The following MTIF2 variants were observed in gnomAD, a reference collection of about 807,000 sequenced individuals.
MTIF2 encodes mitochondrial translational initiation factor 2.
A neutral mutation model predicts 83.5 loss-of-function variants in MTIF2; 71 were observed. The observed-to-expected ratio is 0.85, with a 90% CI of 0.70 to 1.04. The LOEUF is 1.04. Among genes scored for constraint, MTIF2 ranks in the 50% least tolerant of loss-of-function variants. The probability of loss-of-function intolerance (pLI) is 0.00; values close to 1 mark genes in which losing one functional copy is unlikely to be tolerated. For synonymous variants in MTIF2, 319 were observed against 287.1 expected (o/e 1.11, Z -1.12); for missense variants, 957 against 846.5 (o/e 1.13, Z -1.62).
intron 2 of MTIF2, among the ~76,000 whole-genome samples, chr2:55,268,327 GA>G (rs1354313765): frequency 3.3e-5 from 5 of 152,148 alleles, no homozygotes; most frequent in African/African-American, 1.2e-4. Context: ...ATGGCACATG[GA>G]AAATATCTTA....
At chr2:55,253,386 A>T (rs1478583944) in intron 7 of MTIF2, among the ~76,000 whole-genome samples, 1 of 152,198 alleles carries the variant, frequency 6.6e-6, no homozygotes, top group Non-Finnish European at 1.5e-5. Flanking sequence ...TTAAAAGTTA[A>T]CACAATTTTC....
rs1252367430 is a variant in MTIF2 at position 55,249,485 on chromosome 2, A to G, written c.891T>C (p.Pro297=). The change falls in exon 9 of 16, where the codon CCT becomes CCC. Residue 297 remains proline (P), a synonymous_variant. Coordinates refer to ENST00000263629, the MANE Select transcript of MTIF2 (RefSeq NM_002453.3). ...VNKCDKAEAD[P]EKVKKELLAY... ...CCAGCAGCTCTTTTTTCACTTTCTC[A>G]GGATCAGCCTCAGCTTTGTCACATT... is the stretch of plus-strand genomic sequence containing the variant. 5 of 1,614,126 alleles carry G rather than the reference A, an allele frequency of 3.1e-6. No homozygotes were observed. The highest frequency in any genetic ancestry group is 4.2e-6 in the Non-Finnish European group (5 of 1,180,000).
At chr2:55,237,818 T>G (rs1277548545) in intron 14 of MTIF2, among the ~76,000 whole-genome samples, 2 of 151,128 alleles carry the variant, frequency 1.3e-5, no homozygotes, top group Non-Finnish European at 2.9e-5. Context: ...ATCCAGCTGA[T>G]TTTTATATTG....
At chr2:55,249,265 T>C in intron 9 of MTIF2, 130 bp downstream of exon 9, 1 of 1,188,144 alleles carries the variant, frequency 8.4e-7, no homozygotes, top group South Asian at 1.6e-5. Flanking sequence ...CATCTTTGCC[T>C]GGCACCAAGA....
Position 55,236,790 on chromosome 2 carries a change from T to A in MTIF2, c.2042A>T (p.Asp681Val). 2 of 1,607,016 alleles carry A rather than the reference T, an allele frequency of 1.2e-6. No homozygotes were observed. Among genetic ancestry groups the A allele is most frequent in the Non-Finnish European group, 1.7e-6 (2 of 1,178,358 alleles). ...GSLTSLKHHKDDISIVKTGMD... is the reference protein window; with the variant it reads ...GSLTSLKHHKVDISIVKTGMD... The stretch of plus-strand genomic sequence containing the variant: ...TCCCGTTTTGACAATTGAAATGTCA[T>A]CTTTATGGTGTTTCAATGAGGTTAA... The change falls in exon 16 of 16, where the codon GAT (aspartate) becomes GTT (valine). Residue 681 changes from aspartate to valine, a missense_variant. Around this residue, in one of 3 missense-constraint regions of MTIF2, gnomAD observed 221 missense variants for 180.6 expected, o/e 1.22. Transcript: ENST00000263629.
At chr2:55,261,261 G>A (rs746865816) in intron 5 of MTIF2, among the ~76,000 whole-genome samples, 4 of 152,110 alleles carry the variant, frequency 2.6e-5, no homozygotes, top group Admixed American at 6.5e-5. Flanking sequence ...GTGAGCCACC[G>A]TGCCTGGCTA....
intron 6 of MTIF2, 36 bp downstream of exon 6, chr2:55,254,618 C>T: frequency 6.6e-7 from 1 of 1,506,832 alleles, no homozygotes; most frequent in Non-Finnish European, 8.9e-7. Context: ...ATGTAGTCTC[C>T]CCCAAACCCT....
At chr2:55,252,401 A>C (rs928521981) in intron 8 of MTIF2, 76 bp downstream of exon 8, 53 of 1,263,914 alleles carry the variant, frequency 4.2e-5, no homozygotes, top group Non-Finnish European at 5.6e-5. Flanking sequence ...TGTTGTGAAG[A>C]CTAAATGAGC....
chr2:55,248,252 G>C (rs780186539), intron 9 of MTIF2, among the ~76,000 whole-genome samples: 9 of 152,090 alleles, frequency 5.9e-5, no homozygotes, highest in Non-Finnish European at 1.3e-4. Flanking sequence ...AACAATTGAG[G>C]GATAGTGCAG....
chr2:55,257,029 C>T (rs557663399), intron 5 of MTIF2, among the ~76,000 whole-genome samples: 1 of 152,268 alleles, frequency 6.6e-6, no homozygotes, highest in Admixed American at 6.5e-5. Flanking sequence ...AAAATATTTA[C>T]TTATTCTCTT....
intron 13 of MTIF2, among the ~76,000 whole-genome samples, chr2:55,241,405 A>G (rs1265968805): frequency 4.0e-5 from 6 of 149,176 alleles, no homozygotes; most frequent in Non-Finnish European, 9.0e-5. Context: ...GCGACAGAGC[A>G]AGACTCTGTC....
At chr2:55,267,658 T>TA (rs1051383669) in intron 2 of MTIF2, 23 bp from the exon 3 acceptor site, 14 of 161,878 alleles carry the variant, frequency 8.6e-5, no homozygotes, top group African/African-American at 3.4e-4. Flanking sequence ...AATAAATAAA[T>TA]AAGTGTTTGA....
chr2:55,249,797 A>C (rs1676962339), intron 8 of MTIF2, among the ~76,000 whole-genome samples: 1 of 152,154 alleles, frequency 6.6e-6, no homozygotes, highest in Non-Finnish European at 1.5e-5. Context: ...TATCAAAAAA[A>C]ACAATACAGT....
chr2:55,252,548 A>G lies in MTIF2; in HGVS notation c.770T>C (p.Leu257Ser), dbSNP rs999743445. ...CACTCCATCATCTGCAGCTACAACC[A>G]ATACGACAATGTCAGTGACCTGAGC... ...RGAQVTDIVV[L>S]VVAADDGVMK... Residue 257 changes from leucine (L) to serine (S), a missense_variant, in exon 8 of 16, where the codon TTG (leucine) becomes TCG (serine). Leu to Ser is a moderately radical substitution (Grantham distance 145, BLOSUM62 -2). This residue lies in a region of MTIF2 where 733 missense variants were observed against 648.7 expected (regional missense o/e 1.13). Coordinates refer to ENST00000263629, the MANE Select transcript of MTIF2 (RefSeq NM_002453.3). The G allele has an allele frequency of 1.2e-6, 2 of 1,614,034 alleles. No homozygotes were observed. Among genetic ancestry groups the G allele is most frequent in the Non-Finnish European group, 1.7e-6 (2 of 1,179,996 alleles).
chr2:55,243,474 G>C lies in MTIF2; in HGVS notation c.1506C>G (p.Pro502=). Residue 502 remains proline, a synonymous_variant, in exon 12 of 16, where the codon CCC becomes CCG. Transcript: ENST00000263629. ...TTTCCCTTTTCTCTTTTGGCTTTAA[G>C]GGTATTTGTTCTTTTCTTTCTAAAA... ...LRFLERKEQI[P]LKPKEKRERD... is the part of the protein sequence containing the mutation. 6.2e-7 allele frequency: 1 copy of C among 1,613,532 alleles called. No individual in the cohort carries two copies. The highest frequency in any genetic ancestry group is 8.5e-7 in the Non-Finnish European group (1 of 1,179,606).
Position 55,237,268 on chromosome 2 carries a change from G to A in MTIF2, c.2011+20C>T. On this transcript the variant is annotated intron_variant, in intron 15 of 15. Transcript: ENST00000263629. The stretch of plus-strand genomic sequence containing the variant: ...TTGGTGACTGGATATGCTATTATAG[G>A]AGATTTTGATGTTGCTTACCCTTCC... The A allele has an allele frequency of 1.9e-6, 3 of 1,604,472 alleles. No homozygotes were observed. Among genetic ancestry groups the A allele is most frequent in the South Asian group, 2.2e-5 (2 of 89,490 alleles).
At chr2:55,253,381 A>G (rs1378936969) in intron 7 of MTIF2, among the ~76,000 whole-genome samples, 2 of 152,202 alleles carry the variant, frequency 1.3e-5, no homozygotes, top group African/African-American at 4.8e-5. Flanking sequence ...TAGAATTAAA[A>G]GTTAACACAA....
intron 8 of MTIF2, 23 bp from the exon 9 acceptor site, chr2:55,249,557 G>C: frequency 6.2e-7 from 1 of 1,609,916 alleles, no homozygotes; most frequent in Non-Finnish European, 8.5e-7. Flanking sequence ...GAGTTAAAAA[G>C]AGTGAAAATG....
intron 3 of MTIF2, 150 bp from the exon 4 acceptor site, chr2:55,264,015 A>C: frequency 1.6e-6 from 1 of 622,300 alleles, no homozygotes; most frequent in Non-Finnish European, 2.8e-6. Context: ...GAAAAATCTC[A>C]GTCTCATCAA....
Sources: allele counts gnomAD v4.1 joint callset (sites outside exome capture counted in the v4.1 genomes callset), GRCh38; gene constraint gnomAD v4.1.1; regional missense constraint gnomAD v4.1.1; transcripts MANE v1.5; gene names NCBI Gene and HGNC (gene_info 2026-07-23, HGNC 2026-07-21).